TNS3: variants seen among roughly 807,000 people sequenced by gnomAD.
The protein encoded by TNS3 is tensin 3.
TNS3 carries 45 observed loss-of-function variants against 140.9 expected under a neutral mutation model. The ratio of observed to expected loss-of-function variants is 0.32; its 90% CI spans 0.25 to 0.41. The LOEUF (loss-of-function observed/expected upper bound fraction) is 0.41, where lower values mean the gene tolerates loss of function less well. TNS3 is among the 10% of genes least tolerant of loss of function. TNS3 has a pLI of 1.00. For synonymous variants in TNS3, 815 were observed against 788.4 expected (o/e 1.03, Z -0.56); for missense variants, 1,716 against 1,906.7 (o/e 0.90, Z 1.86).
At position 47,368,362 on chromosome 7, in the gene TNS3, C is replaced by T; in HGVS notation, c.2281+3G>A. On this transcript the variant is annotated splice_donor_region_variant and intron_variant, in intron 17 of 30. Transcript: ENST00000311160. ...GAGCACCTCCCATGGAGACCCAGCT[C>T]ACCTTGCCGCCCGGTGGCCCTGCTG... 1 of 1,482,570 alleles carries T rather than the reference C, an allele frequency of 6.7e-7. No homozygotes were observed. Among genetic ancestry groups the T allele is most frequent in the Non-Finnish European group, 9.0e-7 (1 of 1,116,894 alleles). The allele number at this position is 1,482,570 out of a possible 1,614,324, so 91.8% of individuals were successfully genotyped here. A position where few individuals can be genotyped will look rare whatever the true frequency, so the allele number is the denominator to read the frequency against.
intron 8 of TNS3, among the ~76,000 whole-genome samples, chr7:47,432,864 G>A (rs1794991398): frequency 6.6e-6 from 1 of 152,182 alleles, no homozygotes; most frequent in African/African-American, 2.4e-5. Context: ...CTCATGGACT[G>A]TTACGTTTTA....
chr7:47,301,293 C>A (rs542946543), intron 23 of TNS3, among the ~76,000 whole-genome samples: 13 of 152,168 alleles, frequency 8.5e-5, no homozygotes, highest in Non-Finnish European at 1.8e-4. Context: ...GTCTTCCAGG[C>A]ACTGGAGGCA....
rs556342897 is a variant in TNS3 at position 47,524,746 on chromosome 7, G to A, written c.-153+4290C>T. 2.8e-4 allele frequency among the ~76,000 whole-genome samples: 39 copies of A among 140,770 alleles called. 1 individual carries two copies. Among genetic ancestry groups the A allele is most frequent in the Admixed American group, 2.6e-3 (36 of 13,856 alleles). The allele number at this position is 140,770 out of a possible 152,430, so 92.4% of individuals were successfully genotyped here. On this transcript the variant is annotated intron_variant, in intron 2 of 30. Transcript: ENST00000311160. ...GAACCCGGGAGGCGGAGCTTGCAGT[G>A]AGCCGAGATCGCGCCACTGCAGTCC...
At chr7:47,478,407 G>A (rs1002277537) in intron 4 of TNS3, among the ~76,000 whole-genome samples, 3 of 63,246 alleles carry the variant, frequency 4.7e-5, no homozygotes, top group Non-Finnish European at 1.2e-4. Flanking sequence ...TCATCTCAGG[G>A]AAATACACAC....
In TNS3 at chr7:47,304,893, G is replaced by A; in HGVS notation, c.2761C>T (p.Gln921Ter). ...RADASSTPSF[Q>*]QAFASSCTIS... is the part of the protein sequence containing the mutation. ...GTGCAGGAAGAAGCAAAAGCCTGCTGAAAGGAGGGCGTCGAGGACGCATCA... is the reference window on the plus strand; with the variant it reads ...GTGCAGGAAGAAGCAAAAGCCTGCTAAAAGGAGGGCGTCGAGGACGCATCA... Residue 921 changes from glutamine to a stop codon, truncating the protein, a stop_gained, in exon 21 of 31, where the codon CAG (glutamine) becomes TAG (stop). Coordinates refer to ENST00000311160, the MANE Select transcript of TNS3 (RefSeq NM_022748.12). LOFTEE classifies it high-confidence loss of function. 7.0e-7 allele frequency: 1 copy of A among 1,420,142 alleles called. No individual in the cohort carries two copies. The highest frequency in any genetic ancestry group is 9.3e-7 in the Non-Finnish European group (1 of 1,074,508). The allele number at this position is 1,420,142 out of a possible 1,614,324, so 88.0% of individuals were successfully genotyped here.
intron 20 of TNS3, among the ~76,000 whole-genome samples, chr7:47,319,690 T>G (rs1274454248): frequency 6.6e-6 from 1 of 152,194 alleles, no homozygotes; most frequent in Non-Finnish European, 1.5e-5. Flanking sequence ...CAGATTTCAA[T>G]GGACCTGAAT....
At chr7:47,414,292 T>A (rs1474405014) in intron 11 of TNS3, among the ~76,000 whole-genome samples, 1 of 152,146 alleles carries the variant, frequency 6.6e-6, no homozygotes, top group Non-Finnish European at 1.5e-5. Context: ...ACTCTGGCCA[T>A]AATGACCAGG....
At chr7:47,391,084 A>G (rs183785990) in intron 16 of TNS3, among the ~76,000 whole-genome samples, 7 of 152,218 alleles carry the variant, frequency 4.6e-5, no homozygotes. Flanking sequence ...TCCTGCACAC[A>G]CCAGCCAGGC....
intron 15 of TNS3, among the ~76,000 whole-genome samples, chr7:47,397,586 T>G (rs1456131445): frequency 1.3e-5 from 2 of 152,216 alleles, no homozygotes; most frequent in Admixed American, 6.5e-5. Flanking sequence ...CTGGTTACTT[T>G]GGGGTTAATG....
At position 47,369,517 on chromosome 7, in the gene TNS3, T is replaced by G. The variant is rs188390928; in HGVS notation, c.1129A>C (p.Thr377Pro). ...IPGGPQAIPA[T>P]NSPDHSDHTL... Reference sequence around the variant, plus strand: ...TGGTCACTGTGGTCTGGGCTGTTGGTGGCCGGGATTGCCTGGGGGCCACCT... The same window carrying G: ...TGGTCACTGTGGTCTGGGCTGTTGGGGGCCGGGATTGCCTGGGGGCCACCT... The change falls in exon 17 of 31, where the codon ACC becomes CCC. Residue 377 changes from threonine (T) to proline (P), a missense_variant. Around this residue, in one of 3 missense-constraint regions of TNS3, gnomAD observed 1,163 missense variants for 1,182.1 expected, o/e 0.98. Coordinates refer to ENST00000311160, the MANE Select transcript of TNS3 (RefSeq NM_022748.12). 2 of 1,613,972 alleles carry G rather than the reference T, an allele frequency of 1.2e-6. No individual in the cohort carries two copies. Among genetic ancestry groups the G allele is most frequent in the African/African-American group, 2.7e-5 (2 of 75,042 alleles).
At chr7:47,353,802 G>A (rs1789820146) in intron 17 of TNS3, among the ~76,000 whole-genome samples, 1 of 151,980 alleles carries the variant, frequency 6.6e-6, no homozygotes, top group Non-Finnish European at 1.5e-5. Context: ...ACCACAAGGG[G>A]CCTCACCCTA....
chr7:47,409,308 C>A (rs1425986620), intron 13 of TNS3, among the ~76,000 whole-genome samples: 1 of 148,980 alleles, frequency 6.7e-6, no homozygotes, highest in Non-Finnish European at 1.5e-5. Flanking sequence ...AGCTACCAGC[C>A]CATAAACAGC....
intron 25 of TNS3, 63 bp downstream of exon 25, chr7:47,293,670 G>T: frequency 6.9e-7 from 1 of 1,446,324 alleles, no homozygotes; most frequent in Non-Finnish European, 9.7e-7. Flanking sequence ...TCAGGTTGGT[G>T]AGCAGAGGGA....
intron 2 of TNS3, among the ~76,000 whole-genome samples, chr7:47,510,265 G>A (rs1014089780): frequency 6.6e-6 from 1 of 152,150 alleles, no homozygotes; most frequent in Non-Finnish European, 1.5e-5. Flanking sequence ...CCAGAAGGGA[G>A]GCTGCAAAAC....
Position 47,389,109 on chromosome 7 carries a change from C to CAGAAGCAGAAGCAGAAGAAGAAGAAGA in TNS3, c.1024+7690_1024+7691insTCTTCTTCTTCTTCTGCTTCTGCTTCT, listed in dbSNP as rs1195199187. Among the ~76,000 whole-genome samples, 6 of 59,140 alleles carry CAGAAGCAGAAGCAGAAGAAGAAGAAGA rather than the reference C, an allele frequency of 1.0e-4. 1 individual carries two copies. Among genetic ancestry groups the CAGAAGCAGAAGCAGAAGAAGAAGAAGA allele is most frequent in the Non-Finnish European group, 1.4e-4 (4 of 27,828 alleles). The allele number at this position is 59,140 out of a possible 152,430, so 38.8% of individuals were successfully genotyped here. On this transcript the variant is annotated intron_variant, in intron 16 of 30. Transcript: ENST00000311160. ...GAGGAAGAGGAAGAGGAAGCGGAAG[C>CAGAAGCAGAAGCAGAAGAAGAAGAAGA]AGAAGAAGAAGAAGAAGAAGAAGAA...
chr7:47,347,143 T>C (rs900695801), intron 17 of TNS3, among the ~76,000 whole-genome samples: 33 of 152,346 alleles, frequency 2.2e-4, no homozygotes, highest in African/African-American at 7.5e-4. Flanking sequence ...CCAACAACAC[T>C]GTCCCCTACA....
intron 3 of TNS3, among the ~76,000 whole-genome samples, chr7:47,505,669 C>A (rs1406921015): frequency 1.3e-5 from 2 of 152,196 alleles, no homozygotes; most frequent in African/African-American, 4.8e-5. Flanking sequence ...TTTAAAAAGT[C>A]TCTTGGGAGA....
chr7:47,486,379 T>G (rs149488859), intron 3 of TNS3, among the ~76,000 whole-genome samples: 1 of 152,220 alleles, frequency 6.6e-6, no homozygotes, highest in African/African-American at 2.4e-5. Flanking sequence ...TCTGTGTGTG[T>G]CTCCGTGTGT....
intron 7 of TNS3, among the ~76,000 whole-genome samples, chr7:47,436,440 G>C (rs1260072399): frequency 6.6e-6 from 1 of 151,952 alleles, no homozygotes; most frequent in Non-Finnish European, 1.5e-5. Context: ...GAAGGGTGAG[G>C]GGCAAGGGGA....
Sources: gnomAD v4.1 joint callset for allele counts (sites outside exome capture counted in the v4.1 genomes callset) on GRCh38, gnomAD v4.1.1 for gene constraint, gnomAD v4.1.1 regional missense constraint, MANE v1.5 for transcripts, NCBI Gene and HGNC (gene_info 2026-07-23, HGNC 2026-07-21) for gene names.